MITF: variants seen among roughly 807,000 people sequenced by gnomAD.
MITF encodes microphthalmia-associated transcription factor.
A neutral mutation model predicts 60.5 loss-of-function variants in MITF; 17 were observed. The ratio of observed to expected loss-of-function variants is 0.28; its 90% confidence interval spans 0.19 to 0.42. The LOEUF is 0.42. Among genes scored for constraint, MITF ranks in the 10% least tolerant of loss-of-function variants. MITF has a pLI of 1.00. For missense variants in MITF, 622 were observed against 683.5 expected (o/e 0.91, Z 1.00); for synonymous variants, 260 against 248.5 (o/e 1.05, Z -0.43).
chr3:69,739,511 C>T lies in MITF; in HGVS notation c.-87C>T. On this transcript the variant is annotated 5_prime_UTR_variant, in exon 1 of 10. Coordinates refer to ENST00000352241, the MANE Select transcript of MITF (RefSeq NM_001354604.2). Reference sequence around the variant, plus strand: ...CTCGGCACTGCGCCGGGGCGCACGGCTCGGGGGACCCAGGCCCAGCTACCT... The same window carrying T: ...CTCGGCACTGCGCCGGGGCGCACGGTTCGGGGGACCCAGGCCCAGCTACCT... 2 of 1,266,396 alleles carry T rather than the reference C, an allele frequency of 1.6e-6. No homozygotes were observed. Among genetic ancestry groups the T allele is most frequent in the Non-Finnish European group, 2.2e-6 (2 of 889,330 alleles). The allele number at this position is 1,266,396 out of a possible 1,614,324, so 78.4% of individuals were successfully genotyped here.
intron 1 of MITF, among the ~76,000 whole-genome samples, chr3:69,807,664 T>G (rs565120412): frequency 1.8e-4 from 27 of 152,384 alleles, no homozygotes; most frequent in Non-Finnish European, 3.4e-4. Context: ...GTTGAACTTC[T>G]ATGGTGGATA....
intron 2 of MITF, among the ~76,000 whole-genome samples, chr3:69,883,378 G>C (rs1479290463): frequency 6.6e-6 from 1 of 152,180 alleles, no homozygotes; most frequent in African/African-American, 2.4e-5. Flanking sequence ...ATTCTAGCGA[G>C]GTGGGCTGGA....
chr3:69,745,505 T>C (rs1157130270), intron 1 of MITF, among the ~76,000 whole-genome samples: 3 of 152,168 alleles, frequency 2.0e-5, no homozygotes, highest in Admixed American at 6.5e-5. Flanking sequence ...GTGTTTGAGT[T>C]TGGCCTTAAA....
At chr3:69,772,542 T>C (rs1408153563) in intron 1 of MITF, among the ~76,000 whole-genome samples, 1 of 152,232 alleles carries the variant, frequency 6.6e-6, no homozygotes, top group East Asian at 1.9e-4. Context: ...ATAAAAATTA[T>C]TTACTTGCTA....
chr3:69,893,018 A>G (rs2064793775), intron 2 of MITF, among the ~76,000 whole-genome samples: 2 of 152,194 alleles, frequency 1.3e-5, no homozygotes, highest in African/African-American at 2.4e-5. Context: ...ACTCTTTCTG[A>G]TGCTGGAGTC....
chr3:69,790,431 A>G (rs1248995498), intron 1 of MITF, among the ~76,000 whole-genome samples: 1 of 152,238 alleles, frequency 6.6e-6, no homozygotes, highest in Non-Finnish European at 1.5e-5. Flanking sequence ...AATGTAATTA[A>G]CATCAATGAA....
chr3:69,941,462 A>G (rs1045314768), intron 5 of MITF, 131 bp downstream of exon 5: 4 of 644,954 alleles, frequency 6.2e-6, no homozygotes, highest in Admixed American at 5.7e-5. Flanking sequence ...ATGGAGAATT[A>G]TCTCAGGATC....
intron 1 of MITF, among the ~76,000 whole-genome samples, chr3:69,847,566 G>T (rs550411005): frequency 1.3e-5 from 2 of 152,100 alleles, no homozygotes; most frequent in Admixed American, 6.5e-5. Context: ...AGTGTGTTAC[G>T]TACAGAGAAG....
chr3:69,886,305 C>A (rs1163698486), intron 2 of MITF, among the ~76,000 whole-genome samples: 1 of 152,062 alleles, frequency 6.6e-6, no homozygotes, highest in Non-Finnish European at 1.5e-5. Context: ...ATTGTGCCTC[C>A]TTGACAACGT....
intron 5 of MITF, among the ~76,000 whole-genome samples, chr3:69,942,528 G>A (rs1372449313): frequency 1.3e-5 from 2 of 151,744 alleles, no homozygotes; most frequent in African/African-American, 4.8e-5. Flanking sequence ...ACTCATGTGG[G>A]GTGAGGACTT....
At chr3:69,773,631 A>G (rs1413245882) in intron 1 of MITF, among the ~76,000 whole-genome samples, 4 of 152,166 alleles carry the variant, frequency 2.6e-5, no homozygotes, top group Non-Finnish European at 4.4e-5. Flanking sequence ...TTTCATGTGT[A>G]TGGCTGATTA....
intron 1 of MITF, among the ~76,000 whole-genome samples, chr3:69,766,526 C>T (rs1175951993): frequency 2.0e-5 from 3 of 151,844 alleles, no homozygotes; most frequent in Admixed American, 6.6e-5. Flanking sequence ...CGCACCTAGC[C>T]TCTTTATCAT....
intron 1 of MITF, among the ~76,000 whole-genome samples, chr3:69,801,849 A>C (rs944563946): frequency 6.6e-6 from 1 of 152,198 alleles, no homozygotes; most frequent in East Asian, 1.9e-4. Flanking sequence ...GGCTATGACA[A>C]CTGCTATTTG....
intron 2 of MITF, among the ~76,000 whole-genome samples, chr3:69,891,206 A>G (rs2064752655): frequency 6.6e-6 from 1 of 152,200 alleles, no homozygotes; most frequent in Non-Finnish European, 1.5e-5. Flanking sequence ...AAGAATCTTG[A>G]TAGAGCTCAT....
chr3:69,818,508 A>T (rs1278976408), intron 1 of MITF, among the ~76,000 whole-genome samples: 5 of 152,168 alleles, frequency 3.3e-5, no homozygotes, highest in Non-Finnish European at 7.4e-5. Context: ...TCCAATATTA[A>T]TGCTCATATC....
At chr3:69,796,750 CCCG>C (rs940304012) in intron 1 of MITF, among the ~76,000 whole-genome samples, 4 of 150,634 alleles carry the variant, frequency 2.7e-5, no homozygotes, top group African/African-American at 9.9e-5. Context: ...TCATGATCCA[CCCG>C]CCTCGGCCTC....
chr3:69,822,465 T>C (rs1159105197), intron 1 of MITF, among the ~76,000 whole-genome samples: 1 of 152,204 alleles, frequency 6.6e-6, no homozygotes. Flanking sequence ...TTCCTGGCAC[T>C]GTCATAGGCA....
intron 1 of MITF, among the ~76,000 whole-genome samples, chr3:69,751,199 A>C (rs1703922991): frequency 6.6e-6 from 1 of 152,222 alleles, no homozygotes. Context: ...ACTGTTTTTC[A>C]CAAAACTTCT....
chr3:69,829,571 CAT>C (rs1367567364), intron 1 of MITF, among the ~76,000 whole-genome samples: 2 of 152,124 alleles, frequency 1.3e-5, no homozygotes, highest in Non-Finnish European at 2.9e-5. Context: ...ATTCCAAACA[CAT>C]AAAATTCAGC....
Sources: gnomAD v4.1 joint callset for allele counts (sites outside exome capture counted in the v4.1 genomes callset) on GRCh38, gnomAD v4.1.1 for gene constraint, MANE v1.5 for transcripts, NCBI Gene and HGNC (gene_info 2026-07-23, HGNC 2026-07-21) for gene names.